TTC17: variants seen among roughly 807,000 people sequenced by gnomAD.
TTC17 encodes tetratricopeptide repeat protein 17.
Under a neutral mutation model 143.8 loss-of-function variants are expected in TTC17, and 58 were observed. The observed-to-expected ratio is 0.40, with a 90% CI of 0.33 to 0.50. The LOEUF (loss-of-function observed/expected upper bound fraction) is 0.50, where lower values mean the gene tolerates loss of function less well. TTC17 is among the 20% of genes least tolerant of loss of function. The pLI is 0.49. For synonymous variants in TTC17, 501 were observed against 497.8 expected (o/e 1.01, Z -0.09); for missense variants, 1,273 against 1,392.5 (o/e 0.91, Z 1.37).
rs1348114827 is a variant in TTC17 at position 43,389,804 on chromosome 11, G to A, written c.402G>A (p.Leu134=). ...TATATGATGGCACATACATAACTTT[G>A]GAGAGCAAAGACATCAGGTAAAGAA... is the stretch of plus-strand genomic sequence containing the variant. ...LDLYDGTYIT[L]ESKDISPEDY... is the part of the protein sequence containing the mutation. The change falls in exon 3 of 24, where the codon TTG becomes TTA. Residue 134 remains leucine, a synonymous_variant. Coordinates refer to ENST00000039989, the MANE Select transcript of TTC17 (RefSeq NM_018259.6). 1 of 1,602,294 alleles carries A rather than the reference G, an allele frequency of 6.2e-7. No homozygotes were observed. The highest frequency in any genetic ancestry group is 1.8e-5 in the Admixed American group (1 of 56,902).
At chr11:43,359,181 C>G in intron 1 of TTC17, 68 bp downstream of exon 1, 2 of 1,462,708 alleles carry the variant, frequency 1.4e-6, no homozygotes, top group Non-Finnish European at 1.8e-6. Context: ...CTGCTTGGCC[C>G]CTGGCTGTTG....
chr11:43,415,792 T>C (rs904276719), intron 16 of TTC17, among the ~76,000 whole-genome samples: 1 of 152,144 alleles, frequency 6.6e-6, no homozygotes, highest in Non-Finnish European at 1.5e-5. Context: ...AATTATTTAC[T>C]GAAGAAACCA....
At chr11:43,394,884 A>G (rs937018204) in intron 5 of TTC17, among the ~76,000 whole-genome samples, 2 of 152,150 alleles carry the variant, frequency 1.3e-5, no homozygotes, top group African/African-American at 4.8e-5. Context: ...CAGAAAGGGT[A>G]TCCTGCAGAA....
chr11:43,362,012 C>A (rs988057814), intron 1 of TTC17, among the ~76,000 whole-genome samples: 3 of 135,842 alleles, frequency 2.2e-5, no homozygotes, highest in Non-Finnish European at 4.6e-5. Context: ...TGGAGTTTTG[C>A]TCTTGTTGCC....
At chr11:43,378,847 C>T (rs184964082) in intron 1 of TTC17, 1 of 159,426 alleles carries the variant, frequency 6.3e-6, no homozygotes, top group East Asian at 1.9e-4. Flanking sequence ...TTCCTTTTAT[C>T]ACTTCCAAGC....
At chr11:43,470,811 C>T (rs927443770) in intron 21 of TTC17, among the ~76,000 whole-genome samples, 1 of 152,138 alleles carries the variant, frequency 6.6e-6, no homozygotes, top group Admixed American at 6.5e-5. Context: ...CTAATAAGTT[C>T]CCAGGTGATA....
At chr11:43,491,241 A>G (rs1948470264) in intron 22 of TTC17, 1 of 152,238 alleles carries the variant, frequency 6.6e-6, no homozygotes. Context: ...TGTGTCTGCT[A>G]CAGAACCCAA....
chr11:43,384,314 G>A (rs1227004175), intron 2 of TTC17, among the ~76,000 whole-genome samples: 1 of 152,150 alleles, frequency 6.6e-6, no homozygotes, highest in East Asian at 1.9e-4. Flanking sequence ...AATCATTGGG[G>A]CTATATATGT....
At chr11:43,402,673 G>A (rs1211236464) in intron 10 of TTC17, among the ~76,000 whole-genome samples, 1 of 152,048 alleles carries the variant, frequency 6.6e-6, no homozygotes, top group South Asian at 2.1e-4. Flanking sequence ...TTTTGATTGG[G>A]ATGCTTAACA....
At chr11:43,420,585 C>CT (rs1946879230) in intron 16 of TTC17, among the ~76,000 whole-genome samples, 1 of 152,100 alleles carries the variant, frequency 6.6e-6, no homozygotes, top group African/African-American at 2.4e-5. Flanking sequence ...GTAGTATTAG[C>CT]TTAGTAGACA....
intron 21 of TTC17, among the ~76,000 whole-genome samples, chr11:43,460,757 G>A (rs1344444049): frequency 1.3e-5 from 2 of 152,166 alleles, no homozygotes; most frequent in African/African-American, 4.8e-5. Context: ...AATGTCTGGG[G>A]CCTCAACTGG....
In TTC17 at chr11:43,407,463, A is replaced by G. The variant is rs1167080663; in HGVS notation, c.1950A>G (p.Pro650=). The part of the protein sequence containing the change: ...ACLQRALNLA[P]LQYQDVPLVN... ...TTCAGAGGGCTTTGAATTTAGCTCC[A>G]CTTCAATACCAAGATGTTCCTCTTG... Residue 650 remains proline (P), a synonymous_variant, in exon 15 of 24, where the codon CCA becomes CCG. Coordinates refer to ENST00000039989, the MANE Select transcript of TTC17 (RefSeq NM_018259.6). 1.9e-6 allele frequency: 3 copies of G among 1,613,920 alleles called. No individual in the cohort carries two copies. The highest frequency in any genetic ancestry group is 2.5e-6 in the Non-Finnish European group (3 of 1,179,996).
intron 15 of TTC17, among the ~76,000 whole-genome samples, chr11:43,412,929 T>C (rs890952123): frequency 6.7e-6 from 1 of 149,676 alleles, no homozygotes; most frequent in African/African-American, 2.5e-5. Context: ...ATATATGTGT[T>C]TGTGTATTGA....
In TTC17 at chr11:43,462,438, T is replaced by G. The variant is rs970362542; in HGVS notation, c.3030+11173T>G. Among the ~76,000 whole-genome samples the G allele has an allele frequency of 3.3e-5, 5 of 152,242 alleles. No individual in the cohort carries two copies. In the East Asian group the frequency reaches 9.6e-4, roughly 29 times the overall value. ...TGAAGAGTAGAAGGCTGTGTGACAA[T>G]AGAGGCAGAGTTATGCAGCCACAAG... On this transcript the variant is annotated intron_variant, in intron 21 of 23. Coordinates refer to ENST00000039989, the MANE Select transcript of TTC17 (RefSeq NM_018259.6).
intron 16 of TTC17, among the ~76,000 whole-genome samples, chr11:43,415,360 C>A (rs943481390): frequency 6.6e-6 from 1 of 152,112 alleles, no homozygotes; most frequent in Admixed American, 6.6e-5. Flanking sequence ...GTTGCACTTT[C>A]GTTATTAGAA....
At chr11:43,488,002 A>G (rs968273152) in intron 21 of TTC17, among the ~76,000 whole-genome samples, 7 of 152,202 alleles carry the variant, frequency 4.6e-5, no homozygotes, top group African/African-American at 1.7e-4. Context: ...CTCCACATAC[A>G]GTTACATTCT....
intron 16 of TTC17, among the ~76,000 whole-genome samples, chr11:43,438,800 G>A (rs1014222751): frequency 6.6e-6 from 1 of 152,150 alleles, no homozygotes; most frequent in Non-Finnish European, 1.5e-5. Flanking sequence ...GATTGTTAAT[G>A]TTGTTTCTTA....
chr11:43,468,974 G>A (rs567191334), intron 21 of TTC17, among the ~76,000 whole-genome samples: 45 of 152,162 alleles, frequency 3.0e-4, no homozygotes, highest in Middle Eastern at 3.4e-3. Context: ...TTCACAATAC[G>A]TATATATGAT....
At chr11:43,458,858 A>T (rs1286158091) in intron 21 of TTC17, among the ~76,000 whole-genome samples, 2 of 152,176 alleles carry the variant, frequency 1.3e-5, no homozygotes, top group African/African-American at 2.4e-5. Context: ...ACAGTGTATT[A>T]TTTTAATTGT....
Sources: gnomAD v4.1 joint callset for allele counts (sites outside exome capture counted in the v4.1 genomes callset) on GRCh38, gnomAD v4.1.1 for gene constraint, MANE v1.5 for transcripts, NCBI Gene and HGNC (gene_info 2026-07-23, HGNC 2026-07-21) for gene names.